The following STAG1 variants were observed in gnomAD, a reference collection of about 807,000 sequenced individuals.
The protein encoded by STAG1 is cohesin subunit SA-1.
Under a neutral mutation model 170.9 loss-of-function variants are expected in STAG1, and 26 were observed. That is an observed-to-expected ratio of 0.15 (90% CI 0.11 to 0.21). The LOEUF (loss-of-function observed/expected upper bound fraction) is 0.21, where lower values mean the gene tolerates loss of function less well. Among genes scored for constraint, STAG1 ranks in the 10% least tolerant of loss-of-function variants. The pLI is 1.00. For missense variants in STAG1, 964 were observed against 1,509.5 expected (o/e 0.64, Z 5.99); for synonymous variants, 514 against 497.7 (o/e 1.03, Z -0.44).
At chr3:136,579,496 T>G (rs562728623) in intron 4 of STAG1, among the ~76,000 whole-genome samples, 1 of 152,314 alleles carries the variant, frequency 6.6e-6, no homozygotes, top group East Asian at 1.9e-4. Flanking sequence ...TAAGCTCACT[T>G]AGGTTGATTT....
intron 5 of STAG1, among the ~76,000 whole-genome samples, chr3:136,565,021 G>GGCAGGCAGGCAGGCAGGCAGGCACGCAC (rs1559881966): frequency 3.1e-5 from 3 of 95,742 alleles, no homozygotes; most frequent in African/African-American, 1.3e-4. Flanking sequence ...AAGGCAGGCA[G>GGCAGGCAGGCAGGCAGGCAGGCACGCAC]GCAGGCAGGC....
intron 9 of STAG1, among the ~76,000 whole-genome samples, chr3:136,477,904 C>T (rs898740701): frequency 6.6e-6 from 1 of 152,158 alleles, no homozygotes; most frequent in African/African-American, 2.4e-5. Flanking sequence ...ATTCTCCTGC[C>T]TCAGCCACCC....
Position 136,639,424 on chromosome 3 carries a change from C to T in STAG1, c.-83-8443G>A, listed in dbSNP as rs535513019. ...ATAACCACTATCACTCAACCTCTCTCCAGTTAAAAATTACATGCTTTTAAA... is the reference window on the plus strand; with the variant it reads ...ATAACCACTATCACTCAACCTCTCTTCAGTTAAAAATTACATGCTTTTAAA... On this transcript the variant is annotated intron_variant, in intron 1 of 33. Transcript: ENST00000383202. Among the ~76,000 whole-genome samples the T allele has an allele frequency of 2.6e-4, 40 of 152,274 alleles. No individual in the cohort carries two copies. The South Asian group carries it at 2.7e-3, about 10-fold the overall frequency.
intron 22 of STAG1, among the ~76,000 whole-genome samples, chr3:136,396,520 C>CTTTTTTTTTTTTTTTTTTTTTTTTT (rs146270857): frequency 2.3e-5 from 1 of 43,638 alleles, no homozygotes; most frequent in Non-Finnish European, 3.7e-5. Flanking sequence ...CGCGCCTGGC[C>CTTTTTTTTTTTTTTTTTTTTTTTTT]TTTTTTTTTT....
intron 1 of STAG1, among the ~76,000 whole-genome samples, chr3:136,679,881 G>A (rs541321761): frequency 1.2e-4 from 18 of 150,760 alleles, no homozygotes; most frequent in Admixed American, 1.1e-3. Context: ...CAGCCTGAGC[G>A]ACAGAGTGAG....
intron 3 of STAG1, among the ~76,000 whole-genome samples, chr3:136,621,707 G>C (rs73863636): frequency 0.033 from 5,038 of 152,048 alleles, 272 homozygotes; most frequent in African/African-American, 0.11. Flanking sequence ...GGTTGGCCTG[G>C]AGGAGTAATT....
chr3:136,343,620 A>T (rs957582804), intron 30 of STAG1, among the ~76,000 whole-genome samples: 1 of 152,346 alleles, frequency 6.6e-6, no homozygotes, highest in South Asian at 2.1e-4. Context: ...GAGACACCGT[A>T]CATTTAAAGG....
At chr3:136,717,183 C>T (rs1943564998) in intron 1 of STAG1, among the ~76,000 whole-genome samples, 1 of 152,202 alleles carries the variant, frequency 6.6e-6, no homozygotes, top group South Asian at 2.1e-4. Context: ...AAGAAATCTA[C>T]ACACACTTAA....
chr3:136,577,801 C>CA (rs1312273130), intron 4 of STAG1, among the ~76,000 whole-genome samples: 2 of 152,120 alleles, frequency 1.3e-5, no homozygotes, highest in Non-Finnish European at 2.9e-5. Flanking sequence ...TGTATTTTAC[C>CA]AAAGGAGGTG....
At chr3:136,626,692 C>T (rs1018652523) in intron 2 of STAG1, among the ~76,000 whole-genome samples, 5 of 152,174 alleles carry the variant, frequency 3.3e-5, no homozygotes, top group Non-Finnish European at 7.3e-5. Flanking sequence ...TTTCTCCTCA[C>T]TACAATCCAA....
intron 5 of STAG1, among the ~76,000 whole-genome samples, chr3:136,562,985 A>G (rs543154718): frequency 1.3e-5 from 2 of 152,342 alleles, no homozygotes; most frequent in African/African-American, 4.8e-5. Context: ...TTTCTTCATG[A>G]GTAGATTCAG....
intron 15 of STAG1, among the ~76,000 whole-genome samples, chr3:136,434,143 C>T (rs144117854): frequency 1.9e-4 from 29 of 152,148 alleles, no homozygotes; most frequent in South Asian, 1.9e-3. Context: ...TGATTTTTGA[C>T]ACTGAACAAT....
chr3:136,655,628 C>T (rs972122248), intron 1 of STAG1, among the ~76,000 whole-genome samples: 8 of 152,004 alleles, frequency 5.3e-5, no homozygotes, highest in South Asian at 2.1e-4. Flanking sequence ...CCAGACATGG[C>T]GGCGCATGCC....
At chr3:136,637,479 GATC>G (rs1326383314) in intron 1 of STAG1, among the ~76,000 whole-genome samples, 2 of 152,204 alleles carry the variant, frequency 1.3e-5, no homozygotes, top group Non-Finnish European at 2.9e-5. Context: ...CAGCAGGTTA[GATC>G]ATTATTCTGC....
chr3:136,378,007 C>G (rs1360411814), intron 22 of STAG1, among the ~76,000 whole-genome samples: 2 of 152,100 alleles, frequency 1.3e-5, no homozygotes, highest in Non-Finnish European at 1.5e-5. Context: ...AACAGATTTC[C>G]TTTATAAATA....
At chr3:136,549,120 CT>C in intron 5 of STAG1, among the ~76,000 whole-genome samples, 1 of 152,242 alleles carries the variant, frequency 6.6e-6, no homozygotes, top group South Asian at 2.1e-4. Flanking sequence ...CTAATAACAC[CT>C]CTTAAGTTTA....
chr3:136,749,263 G>C (rs993245528), intron 1 of STAG1, among the ~76,000 whole-genome samples: 1 of 152,224 alleles, frequency 6.6e-6, no homozygotes, highest in East Asian at 1.9e-4. Flanking sequence ...GGGGGAGTCA[G>C]AGGTCAGACA....
chr3:136,560,329 A>G (rs943787562), intron 5 of STAG1, among the ~76,000 whole-genome samples: 11 of 152,168 alleles, frequency 7.2e-5, no homozygotes, highest in African/African-American at 2.7e-4. Flanking sequence ...CAAAAACCAT[A>G]TATTTCTGAA....
At chr3:136,639,926 G>GGGTTTAATATAT (rs1260446183) in intron 1 of STAG1, among the ~76,000 whole-genome samples, 1 of 152,110 alleles carries the variant, frequency 6.6e-6, no homozygotes, top group African/African-American at 2.4e-5. Context: ...CCCACTAAAT[G>GGGTTTAATATAT]AAACTTCCCA....
Sources: allele counts gnomAD v4.1 joint callset (sites outside exome capture counted in the v4.1 genomes callset), GRCh38; gene constraint gnomAD v4.1.1; transcripts MANE v1.5; gene names NCBI Gene and HGNC (gene_info 2026-07-23, HGNC 2026-07-21).